Variants in ELMO1 observed in about 807,000 individuals in gnomAD.
The protein encoded by ELMO1 is engulfment and cell motility protein 1.
In ELMO1, 26 loss-of-function variants were observed where a neutral mutation model predicts 98.9. That is an observed-to-expected ratio of 0.26 (90% confidence interval 0.19 to 0.36). ELMO1 has a LOEUF of 0.36. ELMO1 is among the 10% of genes least tolerant of loss of function. The probability of loss-of-function intolerance (pLI) is 1.00; values close to 1 mark genes in which losing one functional copy is unlikely to be tolerated. For missense variants in ELMO1, 627 were observed against 935.2 expected (o/e 0.67, Z 4.30); for synonymous variants, 346 against 346.0 (o/e 1.00, Z 0.00).
chr7:37,193,751 C>T (rs1027153371), intron 13 of ELMO1, among the ~76,000 whole-genome samples: 1 of 152,164 alleles, frequency 6.6e-6, no homozygotes. Context: ...AGAGTCCCTG[C>T]GTGGCGGGCC....
At chr7:36,973,912 C>G (rs897006702) in intron 16 of ELMO1, among the ~76,000 whole-genome samples, 1 of 152,192 alleles carries the variant, frequency 6.6e-6, no homozygotes, top group African/African-American at 2.4e-5. Flanking sequence ...GTACTGGGTC[C>G]CCCAGCAGTG....
chr7:37,436,820 G>T (rs1805169956), intron 1 of ELMO1, among the ~76,000 whole-genome samples: 2 of 152,222 alleles, frequency 1.3e-5, no homozygotes, highest in African/African-American at 4.8e-5. Flanking sequence ...GAAAGTGAAA[G>T]CTGGTGTAAT....
intron 9 of ELMO1, among the ~76,000 whole-genome samples, chr7:37,223,734 A>T (rs543990982): frequency 4.6e-5 from 7 of 152,334 alleles, no homozygotes; most frequent in African/African-American, 1.7e-4. Context: ...TTGAAGAATT[A>T]TGATTCTGAG....
At chr7:36,974,983 A>T (rs991804434) in intron 16 of ELMO1, among the ~76,000 whole-genome samples, 1 of 152,198 alleles carries the variant, frequency 6.6e-6, no homozygotes, top group Admixed American at 6.5e-5. Flanking sequence ...CTCTGAACAC[A>T]TCTGAACATC....
chr7:37,143,050 G>A (rs934797939), intron 13 of ELMO1, among the ~76,000 whole-genome samples: 13 of 152,146 alleles, frequency 8.5e-5, no homozygotes, highest in African/African-American at 3.1e-4. Context: ...GAGTTTTAGG[G>A]TTCCTTTAAA....
chr7:37,297,618 AAAAGACAG>A (rs1275781490), intron 4 of ELMO1, among the ~76,000 whole-genome samples: 1 of 151,338 alleles, frequency 6.6e-6, no homozygotes, highest in Non-Finnish European at 1.5e-5. Context: ...TGAAAAAAAA[AAAAGACAG>A]AGAGAGGAAG....
intron 4 of ELMO1, among the ~76,000 whole-genome samples, chr7:37,303,842 AC>A (rs1222529991): frequency 6.6e-6 from 1 of 152,188 alleles, no homozygotes; most frequent in East Asian, 1.9e-4. Flanking sequence ...GTTGCATCTT[AC>A]CAAGCATAAG....
intron 15 of ELMO1, among the ~76,000 whole-genome samples, chr7:37,022,832 T>C (rs141007655): frequency 0.019 from 2,904 of 152,342 alleles, 45 homozygotes; most frequent in Non-Finnish European, 0.03. Context: ...ACAATCTAAA[T>C]GTCCATCCAG....
intron 13 of ELMO1, among the ~76,000 whole-genome samples, chr7:37,140,214 A>T (rs1339821942): frequency 6.7e-6 from 1 of 150,300 alleles, no homozygotes; most frequent in African/African-American, 2.4e-5. Flanking sequence ...CCTCTACTAA[A>T]AAAAAAAAAA....
At chr7:36,989,497 G>T (rs1275861669) in intron 16 of ELMO1, among the ~76,000 whole-genome samples, 1 of 152,192 alleles carries the variant, frequency 6.6e-6, no homozygotes, top group East Asian at 1.9e-4. Flanking sequence ...CCACTGCTAA[G>T]AGATGTTTTT....
chr7:36,897,423 A>G (rs1455383168), intron 16 of ELMO1, among the ~76,000 whole-genome samples: 1 of 150,826 alleles, frequency 6.6e-6, no homozygotes, highest in East Asian at 1.9e-4. Flanking sequence ...GTTTGGTTAC[A>G]AGAGCCTTTT....
chr7:36,962,943 A>C (rs1291573115), intron 16 of ELMO1, among the ~76,000 whole-genome samples: 1 of 152,122 alleles, frequency 6.6e-6, no homozygotes, highest in Non-Finnish European at 1.5e-5. Flanking sequence ...AGAAAATTGG[A>C]AAAGTGAGAA....
chr7:37,309,880 T>G (rs952306169), intron 4 of ELMO1, among the ~76,000 whole-genome samples: 2 of 152,218 alleles, frequency 1.3e-5, no homozygotes, highest in African/African-American at 4.8e-5. Flanking sequence ...CAATCCTTTC[T>G]GGAGACTGGG....
Position 37,424,866 on chromosome 7 carries a change from T to C in ELMO1, c.-74+23809A>G, listed in dbSNP as rs151159606. Among the ~76,000 whole-genome samples the C allele has an allele frequency of 3.1e-4, 47 of 151,012 alleles. 1 individual carries two copies. The East Asian group carries it at 8.9e-3, about 29-fold the overall frequency. ...CACCAAAACTAATAATTATTATATA[T>C]TTTTAATAATAATAATAATAATAAA... On this transcript the variant is annotated intron_variant, in intron 1 of 21. Coordinates refer to ENST00000310758, the MANE Select transcript of ELMO1 (RefSeq NM_014800.11).
intron 21 of ELMO1, 136 bp downstream of exon 21, chr7:36,861,520 TCTC>T (rs1802626308): frequency 1.1e-5 from 10 of 912,736 alleles, no homozygotes; most frequent in South Asian, 1.1e-4. Flanking sequence ...AGGTTTCTAT[TCTC>T]CTCCAAGTCA....
intron 1 of ELMO1, among the ~76,000 whole-genome samples, chr7:37,387,945 C>T (rs1338383636): frequency 6.6e-6 from 1 of 152,170 alleles, no homozygotes; most frequent in Non-Finnish European, 1.5e-5. Context: ...GTTCCTCCCG[C>T]CTCAGCCTCC....
At chr7:37,258,870 C>T (rs71539823) in intron 6 of ELMO1, among the ~76,000 whole-genome samples, 2,470 of 151,952 alleles carry the variant, frequency 0.016, 32 homozygotes, top group Middle Eastern at 0.027. Flanking sequence ...ATTGTTTTGT[C>T]GAGTTATACT....
In ELMO1 at chr7:37,071,660, T is replaced by C. The variant is rs556069993; in HGVS notation, c.1300+24959A>G. Among the ~76,000 whole-genome samples, 7 of 152,224 alleles carry C rather than the reference T, an allele frequency of 4.6e-5. No homozygotes were observed. The East Asian group carries it at 1.4e-3, about 29-fold the overall frequency. ...CAACAAGTAAGGAAGACAATACAAT[T>C]TGATAACATCTTCCTTTATTTGGTG... On this transcript the variant is annotated intron_variant, in intron 15 of 21. Coordinates refer to ENST00000310758, the MANE Select transcript of ELMO1 (RefSeq NM_014800.11).
intron 16 of ELMO1, among the ~76,000 whole-genome samples, chr7:36,967,459 G>C (rs546815568): frequency 6.6e-6 from 1 of 152,306 alleles, no homozygotes; most frequent in South Asian, 2.1e-4. Flanking sequence ...ATCAGTGCTC[G>C]TCCTTGGCTT....
Sources: gnomAD v4.1 joint callset for allele counts (sites outside exome capture counted in the v4.1 genomes callset) on GRCh38, gnomAD v4.1.1 for gene constraint, MANE v1.5 for transcripts, NCBI Gene and HGNC (gene_info 2026-07-23, HGNC 2026-07-21) for gene names.